The following GPC5 variants were observed in gnomAD, a reference collection of about 807,000 sequenced individuals.
The protein encoded by GPC5 is glypican 5.
GPC5 carries 47 observed loss-of-function variants against 53.9 expected under a neutral mutation model. That is an observed-to-expected ratio of 0.87 (90% CI 0.69 to 1.11). GPC5 has a LOEUF of 1.11. Ranked by LOEUF, GPC5 falls within the 50% of genes most tolerant of loss-of-function variation. GPC5 has a pLI of 0.00. For missense variants in GPC5, 748 were observed against 713.1 expected (o/e 1.05, Z -0.56); for synonymous variants, 286 against 263.3 (o/e 1.09, Z -0.84).
chr13:91,907,086 C>CATAT (rs34091631), intron 5 of GPC5, among the ~76,000 whole-genome samples: 9 of 147,328 alleles, frequency 6.1e-5, no homozygotes, highest in East Asian at 5.9e-4. Flanking sequence ...AGTGATGTGC[C>CATAT]ATATATATAT....
At chr13:92,641,959 G>T (rs1259513137) in intron 7 of GPC5, among the ~76,000 whole-genome samples, 1 of 138,208 alleles carries the variant, frequency 7.2e-6, no homozygotes, top group African/African-American at 2.5e-5. Flanking sequence ...ATTATTCTCA[G>T]ATCTGAAATT....
In GPC5 at chr13:91,710,788, T is replaced by A. The variant is rs186664921; in HGVS notation, c.1020+16907T>A. Among the ~76,000 whole-genome samples the A allele has an allele frequency of 2.6e-5, 4 of 152,270 alleles. 1 individual carries two copies. The highest frequency in any genetic ancestry group is 2.6e-4 in the Admixed American group (4 of 15,304). ...AATCCACGTGGTTCATCTAAAGAAG[T>A]TTTTAAAACTGCTTTTTTTGTAGTT... On this transcript the variant is annotated intron_variant, in intron 3 of 7. Transcript: ENST00000377067.
intron 6 of GPC5, among the ~76,000 whole-genome samples, chr13:92,028,789 T>C (rs1323589988): frequency 6.6e-6 from 1 of 152,168 alleles, no homozygotes; most frequent in African/African-American, 2.4e-5. Flanking sequence ...TTATTTAGTT[T>C]CCAAATTATT....
At chr13:92,121,246 G>C (rs1294023627) in intron 6 of GPC5, among the ~76,000 whole-genome samples, 7 of 152,146 alleles carry the variant, frequency 4.6e-5, no homozygotes, top group Non-Finnish European at 7.4e-5. Flanking sequence ...AGTTGCTCCA[G>C]AGCCAATGGG....
intron 1 of GPC5, 152 bp downstream of exon 1, chr13:91,399,361 T>G (rs1876745808): frequency 1.0e-6 from 1 of 979,880 alleles, no homozygotes; most frequent in Non-Finnish European, 1.5e-6. Context: ...GGATGCTTGG[T>G]GCGGGTAGCC....
intron 6 of GPC5, among the ~76,000 whole-genome samples, chr13:91,972,033 G>A (rs1186542662): frequency 1.3e-5 from 2 of 152,144 alleles, no homozygotes; most frequent in African/African-American, 2.4e-5. Flanking sequence ...TTAACTTTCT[G>A]TGTCGTTGAT....
intron 7 of GPC5, among the ~76,000 whole-genome samples, chr13:92,196,035 C>T (rs532022778): frequency 2.6e-5 from 4 of 152,124 alleles, no homozygotes; most frequent in Non-Finnish European, 4.4e-5. Flanking sequence ...TTGAGGCAGG[C>T]GCTCAGGGCA....
chr13:91,870,531 C>G (rs1464477206), intron 5 of GPC5, among the ~76,000 whole-genome samples: 2 of 152,158 alleles, frequency 1.3e-5, no homozygotes, highest in African/African-American at 2.4e-5. Flanking sequence ...GACGCCATGA[C>G]ACTTACAGTG....
At chr13:91,721,415 G>A (rs1225687925) in intron 3 of GPC5, among the ~76,000 whole-genome samples, 4 of 152,236 alleles carry the variant, frequency 2.6e-5, no homozygotes, top group Admixed American at 6.5e-5. Flanking sequence ...GATTACAGGC[G>A]TGAGCCACCG....
intron 2 of GPC5, among the ~76,000 whole-genome samples, chr13:91,473,571 C>T (rs1159208227): frequency 2.0e-5 from 3 of 152,160 alleles, no homozygotes; most frequent in Admixed American, 2.0e-4. Context: ...TTAGTTATGA[C>T]ACAGTCATAT....
chr13:91,717,376 A>T (rs2036361021), intron 3 of GPC5, among the ~76,000 whole-genome samples: 2 of 152,160 alleles, frequency 1.3e-5, no homozygotes, highest in East Asian at 1.9e-4. Flanking sequence ...AGGAAGATTA[A>T]TTGGGGGACC....
chr13:92,708,597 G>C (rs1308823137), intron 7 of GPC5, among the ~76,000 whole-genome samples: 1 of 152,036 alleles, frequency 6.6e-6, no homozygotes, highest in Non-Finnish European at 1.5e-5. Flanking sequence ...TATCAGTAAT[G>C]CTAAATGTGT....
chr13:91,756,284 C>T lies in GPC5; in HGVS notation c.1155-11C>T. On this transcript the variant is annotated splice_polypyrimidine_tract_variant and intron_variant, in intron 4 of 7. Transcript: ENST00000377067. ...TTTGGTTTTAATTGTTTTCTTTCTT[C>T]TTTCATTTAGAGAATTTATCAACAG... 6.8e-7 allele frequency: 1 copy of T among 1,469,370 alleles called. No homozygotes were observed. The highest frequency in any genetic ancestry group is 9.1e-7 in the Non-Finnish European group (1 of 1,094,784). The allele number at this position is 1,469,370 out of a possible 1,614,324, so 91.0% of individuals were successfully genotyped here.
At chr13:92,626,251 T>C (rs1394614850) in intron 7 of GPC5, among the ~76,000 whole-genome samples, 2 of 152,010 alleles carry the variant, frequency 1.3e-5, no homozygotes, top group East Asian at 3.9e-4. Context: ...AAATATTAGG[T>C]TTGAAGGGGG....
At chr13:92,749,964 C>G (rs1889339084) in intron 7 of GPC5, among the ~76,000 whole-genome samples, 1 of 152,138 alleles carries the variant, frequency 6.6e-6, no homozygotes, top group African/African-American at 2.4e-5. Context: ...TCTCTCCCAG[C>G]CAGAGGCTGG....
At chr13:92,158,860 A>T (rs1351155166) in intron 7 of GPC5, among the ~76,000 whole-genome samples, 1 of 152,306 alleles carries the variant, frequency 6.6e-6, no homozygotes, top group Non-Finnish European at 1.5e-5. Context: ...CGGTATCAAA[A>T]TTTATGAACT....
intron 5 of GPC5, among the ~76,000 whole-genome samples, chr13:91,840,202 TCACCATACTTA>T (rs1358775420): frequency 6.6e-6 from 1 of 152,158 alleles, no homozygotes; most frequent in Non-Finnish European, 1.5e-5. Context: ...TTTTTTATTA[TCACCATACTTA>T]CACATTTTTG....
At chr13:92,218,105 T>G (rs560937713) in intron 7 of GPC5, among the ~76,000 whole-genome samples, 1 of 151,656 alleles carries the variant, frequency 6.6e-6, no homozygotes, top group African/African-American at 2.4e-5. Flanking sequence ...TAAAAAAAAA[T>G]TTAGTAGAGA....
At chr13:91,661,082 G>A (rs2034976616) in intron 2 of GPC5, among the ~76,000 whole-genome samples, 1 of 152,128 alleles carries the variant, frequency 6.6e-6, no homozygotes, top group Non-Finnish European at 1.5e-5. Context: ...GGGTAGAATA[G>A]GCTTTGTTGA....
Sources: gnomAD v4.1 joint callset for allele counts (sites outside exome capture counted in the v4.1 genomes callset) on GRCh38, gnomAD v4.1.1 for gene constraint, MANE v1.5 for transcripts, NCBI Gene and HGNC (gene_info 2026-07-23, HGNC 2026-07-21) for gene names.